The following HACE1 variants were observed in gnomAD, a reference collection of about 807,000 sequenced individuals.
HACE1 encodes the protein HECT domain and ankyrin repeat containing E3 ubiquitin protein ligase 1.
A neutral mutation model predicts 118.4 loss-of-function variants in HACE1; 73 were observed. That is an observed-to-expected ratio of 0.62 (90% CI 0.51 to 0.75). HACE1 has a LOEUF of 0.75. Among genes scored for constraint, HACE1 ranks in the 30% least tolerant of loss-of-function variants. The pLI, the probability that HACE1 is intolerant of heterozygous loss-of-function variation, is 0.00. For missense variants in HACE1, 749 were observed against 1,102.2 expected, an observed-to-expected ratio of 0.68 and a Z score of 4.54; for synonymous variants, 368 against 374.8, an observed-to-expected ratio of 0.98 and a Z score of 0.21.
chr6:104,739,252 T>C (rs1269812473), intron 22 of HACE1, among the ~76,000 whole-genome samples: 19 of 152,000 alleles, frequency 1.3e-4, no homozygotes, highest in African/African-American at 4.1e-4. Flanking sequence ...GAAGAAACTA[T>C]ATCAACTAAC....
intron 4 of HACE1, among the ~76,000 whole-genome samples, chr6:104,844,594 A>AC (rs1374702966): frequency 1.9e-5 from 2 of 103,686 alleles, no homozygotes; most frequent in South Asian, 3.5e-4. Flanking sequence ...ATCCACCCCC[A>AC]CCCCCCCAAG....
At chr6:104,733,565 G>A (rs1233217345) in intron 22 of HACE1, among the ~76,000 whole-genome samples, 1 of 152,086 alleles carries the variant, frequency 6.6e-6, no homozygotes, top group Non-Finnish European at 1.5e-5. Context: ...TATTTAAAAA[G>A]TAATTGGCCA....
Position 104,859,833 on chromosome 6 carries a change from CACCT to C in HACE1, c.-195_-192del. The C allele has an allele frequency of 1.8e-6, 1 of 541,874 alleles. No individual in the cohort carries two copies. Among genetic ancestry groups the C allele is most frequent in the South Asian group, 2.3e-5 (1 of 42,568 alleles). The allele number at this position is 541,874 out of a possible 1,614,324, so 33.6% of individuals were successfully genotyped here. On this transcript the variant is annotated 5_prime_UTR_variant, in exon 1 of 24. Transcript: ENST00000262903. The stretch of plus-strand genomic sequence containing the variant: ...GGGGCCGGGCTGCTGCCGGACCGAC[CACCT>C]ACAGTACACCCGCCGCCGCCTCTGC...
Position 104,750,623 on chromosome 6 carries a change from C to G in HACE1, c.2212-151G>C, listed in dbSNP as rs1777941690. 9.3e-6 allele frequency: 7 copies of G among 752,394 alleles called. No homozygotes were observed. In the East Asian group the frequency reaches 1.7e-4, roughly 18 times the overall value. 46.6% of individuals were successfully genotyped at this position (752,394 alleles called of 1,614,324 possible). On this transcript the variant is annotated intron_variant, in intron 19 of 23. Coordinates refer to ENST00000262903, the MANE Select transcript of HACE1 (RefSeq NM_020771.4). ...CAGCAAATCAGCAAGCCACTATTCA[C>G]TAAGCTGTTGAGGAAAAAATTCCAG...
rs1317032510 is a variant in HACE1, at chr6:104,774,004, G to A, written c.1865-1930C>T. Among the ~76,000 whole-genome samples, 6 of 150,940 alleles carry A rather than the reference G, an allele frequency of 4.0e-5. No homozygotes were observed. In the East Asian group the frequency reaches 1.2e-3, roughly 29 times the overall value. On this transcript the variant is annotated intron_variant, in intron 17 of 23. Transcript: ENST00000262903. ...AATATTTATACTTTCTATATGCCAGGCACCAACTAAGCATTTTCACATATC... is the reference window on the plus strand; with the variant it reads ...AATATTTATACTTTCTATATGCCAGACACCAACTAAGCATTTTCACATATC...
At chr6:104,751,659 T>TA (rs1352625187) in intron 19 of HACE1, among the ~76,000 whole-genome samples, 1 of 152,066 alleles carries the variant, frequency 6.6e-6, no homozygotes, top group Non-Finnish European at 1.5e-5. Context: ...TAATAACTGG[T>TA]AATTTAAAAA....
At chr6:104,840,552 G>A (rs565187967) in intron 5 of HACE1, among the ~76,000 whole-genome samples, 1 of 152,220 alleles carries the variant, frequency 6.6e-6, no homozygotes, top group East Asian at 1.9e-4. Context: ...AGAGAGGCCC[G>A]TCGCGGTGGC....
intron 19 of HACE1, among the ~76,000 whole-genome samples, chr6:104,761,398 T>C (rs1779342995): frequency 6.6e-6 from 1 of 152,096 alleles, no homozygotes; most frequent in Admixed American, 6.5e-5. Context: ...ACACCACACA[T>C]CTACCACCAT....
At chr6:104,859,506 G>A (rs987564719) in intron 1 of HACE1, 61 bp downstream of exon 1, 3 of 1,225,044 alleles carry the variant, frequency 2.4e-6, no homozygotes, top group African/African-American at 1.6e-5. Context: ...CGCGGCCGGA[G>A]CTCCTGCCCC....
intron 19 of HACE1, among the ~76,000 whole-genome samples, chr6:104,757,684 TG>T (rs1160588913): frequency 1.3e-5 from 2 of 152,146 alleles, no homozygotes; most frequent in African/African-American, 4.8e-5. Context: ...CAAAACTGGA[TG>T]GAGAATGAGT....
intron 8 of HACE1, 51 bp from the exon 9 acceptor site, chr6:104,796,807 G>T: frequency 8.5e-7 from 1 of 1,177,376 alleles, no homozygotes; most frequent in Non-Finnish European, 1.3e-6. Context: ...CCCTTTTAAA[G>T]TTCATATTCT....
intron 6 of HACE1, among the ~76,000 whole-genome samples, chr6:104,832,508 T>G (rs976771376): frequency 6.6e-6 from 1 of 151,974 alleles, no homozygotes; most frequent in Non-Finnish European, 1.5e-5. Context: ...ATTCTCCCAC[T>G]TCAGCCTCCG....
intron 11 of HACE1, among the ~76,000 whole-genome samples, chr6:104,791,226 T>G (rs1782986864): frequency 6.6e-6 from 1 of 152,188 alleles, no homozygotes; most frequent in Non-Finnish European, 1.5e-5. Flanking sequence ...AAACCTATAA[T>G]TTAATAAAAT....
intron 7 of HACE1, among the ~76,000 whole-genome samples, chr6:104,807,560 T>C (rs1261974544): frequency 2.0e-5 from 3 of 152,170 alleles, no homozygotes; most frequent in Admixed American, 2.0e-4. Flanking sequence ...AAAACCATTA[T>C]ACATCCCAAC....
intron 3 of HACE1, among the ~76,000 whole-genome samples, 168 bp from the exon 4 acceptor site, chr6:104,849,414 G>A (rs928013014): frequency 1.3e-5 from 2 of 152,062 alleles, no homozygotes; most frequent in African/African-American, 4.8e-5. Context: ...ACAGTTCACT[G>A]TAGCCTTGAC....
At chr6:104,773,026 A>G (rs1055385220) in intron 17 of HACE1, among the ~76,000 whole-genome samples, 1 of 152,054 alleles carries the variant, frequency 6.6e-6, no homozygotes, top group Non-Finnish European at 1.5e-5. Flanking sequence ...GTATTTCACC[A>G]CCGTAAAAAA....
intron 14 of HACE1, among the ~76,000 whole-genome samples, chr6:104,779,209 C>T (rs1294937323): frequency 6.6e-6 from 1 of 152,096 alleles, no homozygotes; most frequent in East Asian, 1.9e-4. Flanking sequence ...TGGTGCAATA[C>T]CATCACAAAA....
At chr6:104,797,146 A>G (rs1414462685) in intron 7 of HACE1, 121 bp from the exon 8 acceptor site, 2 of 678,284 alleles carry the variant, frequency 2.9e-6, no homozygotes, top group Non-Finnish European at 5.3e-6. Flanking sequence ...ACAAGAGAAT[A>G]TGAAATACAT....
At position 104,799,167 on chromosome 6, in the gene HACE1, G is replaced by T. The variant is rs533810531; in HGVS notation, c.618-2142C>A. ...TCCTCTGTGCAAAGTCTGACTTAAC[G>T]GTGACACTGTTATAAGCATTGTTAA... On this transcript the variant is annotated intron_variant, in intron 7 of 23. Coordinates refer to ENST00000262903, the MANE Select transcript of HACE1 (RefSeq NM_020771.4). Among the ~76,000 whole-genome samples the T allele has an allele frequency of 2.6e-5, 4 of 152,262 alleles. No individual in the cohort carries two copies. In the South Asian group the frequency reaches 8.3e-4, roughly 32 times the overall value.
Sources: gnomAD v4.1 joint callset for allele counts (sites outside exome capture counted in the v4.1 genomes callset) on GRCh38, gnomAD v4.1.1 for gene constraint, MANE v1.5 for transcripts, NCBI Gene and HGNC (gene_info 2026-07-23, HGNC 2026-07-21) for gene names.